Variants in NALF1 observed in about 807,000 individuals in gnomAD.
NALF1 encodes NALCN channel auxiliary factor 1.
NALF1 carries 3 observed loss-of-function variants against 48.4 expected under a neutral mutation model. That is an observed-to-expected ratio of 0.06 (90% CI 0.03 to 0.16). NALF1 has a LOEUF of 0.16. NALF1 is among the 10% of genes least tolerant of loss of function. NALF1 has a pLI of 1.00. For missense variants in NALF1, 526 were observed against 571.5 expected (o/e 0.92, Z 0.81); for synonymous variants, 262 against 245.7 (o/e 1.07, Z -0.62).
chr13:107,714,689 T>G (rs16970973), intron 1 of NALF1, among the ~76,000 whole-genome samples: 2,839 of 151,728 alleles, frequency 0.019, 91 homozygotes, highest in African/African-American at 0.064. Context: ...ATTTCCTCTT[T>G]TGTTTGTGCT....
chr13:107,378,402 ATATATATG>A (rs1341325649), intron 1 of NALF1, among the ~76,000 whole-genome samples: 1 of 150,338 alleles, frequency 6.7e-6, no homozygotes, highest in Non-Finnish European at 1.5e-5. Flanking sequence ...ACATATATAT[ATATATATG>A]TATGCATGTC....
chr13:107,269,991 C>T (rs1487572928), intron 1 of NALF1, among the ~76,000 whole-genome samples: 4 of 134,602 alleles, frequency 3.0e-5, no homozygotes, highest in Non-Finnish European at 6.1e-5. Flanking sequence ...AGGATGGTCT[C>T]GATTTCCTGA....
intron 1 of NALF1, among the ~76,000 whole-genome samples, chr13:107,404,130 C>T (rs1883861249): frequency 6.6e-6 from 1 of 152,106 alleles, no homozygotes; most frequent in African/African-American, 2.4e-5. Flanking sequence ...CTCTAATTAT[C>T]ACCTTTTGAA....
At chr13:107,291,603 C>G (rs1256214270) in intron 1 of NALF1, among the ~76,000 whole-genome samples, 2 of 151,942 alleles carry the variant, frequency 1.3e-5, no homozygotes, top group African/African-American at 4.8e-5. Flanking sequence ...ATTGTAAGCA[C>G]TTCTTGTTCC....
intron 1 of NALF1, among the ~76,000 whole-genome samples, chr13:107,285,981 T>A (rs1445690526): frequency 6.6e-6 from 1 of 152,102 alleles, no homozygotes; most frequent in Non-Finnish European, 1.5e-5. Context: ...GTAAAGGGCA[T>A]GAAGAATATT....
chr13:107,344,046 A>T (rs1327280567), intron 1 of NALF1, among the ~76,000 whole-genome samples: 1 of 152,112 alleles, frequency 6.6e-6, no homozygotes, highest in Non-Finnish European at 1.5e-5. Flanking sequence ...GGAGATAATA[A>T]GCGACTACAG....
chr13:107,782,022 TCTCTCC>T (rs983337375), intron 1 of NALF1, among the ~76,000 whole-genome samples: 21 of 152,090 alleles, frequency 1.4e-4, no homozygotes, highest in Admixed American at 2.6e-4. Flanking sequence ...AAGAAAATCT[TCTCTCC>T]CTCTCCCTCT....
At chr13:107,678,961 C>A (rs1881204821) in intron 1 of NALF1, among the ~76,000 whole-genome samples, 1 of 152,102 alleles carries the variant, frequency 6.6e-6, no homozygotes, top group Admixed American at 6.5e-5. Flanking sequence ...CTTCAGGAGG[C>A]TATAGATAAA....
At chr13:107,515,618 G>A (rs1226304818) in intron 1 of NALF1, among the ~76,000 whole-genome samples, 1 of 152,110 alleles carries the variant, frequency 6.6e-6, no homozygotes, top group African/African-American at 2.4e-5. Context: ...TAATAACCAG[G>A]TATTCTTACG....
At chr13:107,352,960 G>T (rs1882902384) in intron 1 of NALF1, among the ~76,000 whole-genome samples, 1 of 152,070 alleles carries the variant, frequency 6.6e-6, no homozygotes, top group Admixed American at 6.6e-5. Flanking sequence ...ACAATGCTTA[G>T]GTATTTTTTA....
intron 1 of NALF1, among the ~76,000 whole-genome samples, chr13:107,712,211 C>T (rs1210038647): frequency 6.6e-6 from 1 of 152,172 alleles, no homozygotes; most frequent in African/African-American, 2.4e-5. Flanking sequence ...TGACCAGTGA[C>T]TCCATTAAAC....
At chr13:107,372,574 A>G (rs2138966073) in intron 1 of NALF1, among the ~76,000 whole-genome samples, 1 of 152,362 alleles carries the variant, frequency 6.6e-6, no homozygotes, top group East Asian at 1.9e-4. Context: ...TTTCAACAAC[A>G]AAATAAATAG....
At chr13:107,623,826 G>T (rs138534853) in intron 1 of NALF1, among the ~76,000 whole-genome samples, 12 of 152,248 alleles carry the variant, frequency 7.9e-5, no homozygotes, top group African/African-American at 2.4e-4. Context: ...ATAATACTTC[G>T]TCAGGGGCTC....
intron 1 of NALF1, among the ~76,000 whole-genome samples, chr13:107,792,367 A>G (rs1271920983): frequency 8.5e-5 from 13 of 152,230 alleles, no homozygotes; most frequent in African/African-American, 2.7e-4. Flanking sequence ...GGAGAACTAA[A>G]GACAAAATGT....
chr13:107,693,885 G>A (rs956581296), intron 1 of NALF1, among the ~76,000 whole-genome samples: 11 of 152,248 alleles, frequency 7.2e-5, no homozygotes, highest in Admixed American at 7.2e-4. Flanking sequence ...TTCATGGTTT[G>A]CTTGCAAGAT....
chr13:107,645,303 AT>A (rs1880286232), intron 1 of NALF1, among the ~76,000 whole-genome samples: 1 of 152,162 alleles, frequency 6.6e-6, no homozygotes, highest in Non-Finnish European at 1.5e-5. Context: ...ATATAGAAGT[AT>A]CAAAGTGTTT....
intron 1 of NALF1, among the ~76,000 whole-genome samples, chr13:107,537,596 A>C (rs1000649730): frequency 7.9e-5 from 12 of 152,164 alleles, no homozygotes; most frequent in African/African-American, 2.7e-4. Flanking sequence ...GACCATCCAG[A>C]CAATAAGAAT....
At chr13:107,210,167 T>G (rs757280923) in intron 2 of NALF1, among the ~76,000 whole-genome samples, 2 of 151,982 alleles carry the variant, frequency 1.3e-5, no homozygotes, top group Non-Finnish European at 2.9e-5. Context: ...GAAAATAAAA[T>G]AAAAGAAAAT....
At chr13:107,189,772 A>G (rs2095501140) in intron 2 of NALF1, among the ~76,000 whole-genome samples, 1 of 152,210 alleles carries the variant, frequency 6.6e-6, no homozygotes, top group African/African-American at 2.4e-5. Context: ...TTCAGGTTAG[A>G]TTACTCTCAT....
Sources: gnomAD v4.1 joint callset for allele counts (sites outside exome capture counted in the v4.1 genomes callset) on GRCh38, gnomAD v4.1.1 for gene constraint, MANE v1.5 for transcripts, NCBI Gene and HGNC (gene_info 2026-07-23, HGNC 2026-07-21) for gene names.